PSMD14: variants seen among roughly 807,000 people sequenced by gnomAD.
The protein encoded by PSMD14 is ubiquitin C-terminal hydrolase PSMD14.
PSMD14 carries 7 observed loss-of-function variants against 41.2 expected under a neutral mutation model. The ratio of observed to expected loss-of-function variants is 0.17; its 90% confidence interval spans 0.10 to 0.32. The LOEUF (loss-of-function observed/expected upper bound fraction) is 0.32, where lower values mean the gene tolerates loss of function less well. PSMD14 is among the 10% of genes least tolerant of loss of function. PSMD14 has a pLI of 1.00. For synonymous variants in PSMD14, 114 were observed against 122.3 expected, an observed-to-expected ratio of 0.93 and a Z score of 0.45; for missense variants, 139 against 375.6, an observed-to-expected ratio of 0.37 and a Z score of 5.21.
chr2:161,408,684 C>G, intron 10 of PSMD14, 153 bp from the exon 11 acceptor site: 1 of 574,398 alleles, frequency 1.7e-6, no homozygotes, highest in East Asian at 3.0e-5. Context: ...GAAGGTTATT[C>G]TGAAGTTTAG....
At chr2:161,391,485 A>G (rs1683710968) in intron 9 of PSMD14, among the ~76,000 whole-genome samples, 1 of 152,168 alleles carries the variant, frequency 6.6e-6, no homozygotes, top group Admixed American at 6.6e-5. Flanking sequence ...TGATTAACTT[A>G]TCTTCTTCAA....
At chr2:161,326,290 G>C (rs6713728) in intron 3 of PSMD14, among the ~76,000 whole-genome samples, 138,744 of 152,176 alleles carry the variant, frequency 0.91, 63,283 homozygotes, top group East Asian at 1. Context: ...CTCGGCCTCC[G>C]AAAGTGCTGG....
intron 11 of PSMD14, among the ~76,000 whole-genome samples, chr2:161,410,184 C>A (rs1684004075): frequency 6.6e-6 from 1 of 151,990 alleles, no homozygotes; most frequent in Non-Finnish European, 1.5e-5. Flanking sequence ...AAACCAATAT[C>A]TTTTTTTCTC....
At chr2:161,390,832 A>G (rs1169565163) in intron 8 of PSMD14, among the ~76,000 whole-genome samples, 1 of 152,182 alleles carries the variant, frequency 6.6e-6, no homozygotes, top group African/African-American at 2.4e-5. Context: ...GATAAGATCA[A>G]ACCTTATCTC....
chr2:161,348,574 T>C (rs1004840097), intron 3 of PSMD14, among the ~76,000 whole-genome samples: 8 of 152,232 alleles, frequency 5.3e-5, no homozygotes, highest in African/African-American at 1.9e-4. Context: ...ACATAGTTCA[T>C]ACTAATGAAA....
chr2:161,399,600 AT>A (rs763035887), intron 10 of PSMD14, among the ~76,000 whole-genome samples: 1 of 152,132 alleles, frequency 6.6e-6, no homozygotes, highest in South Asian at 2.1e-4. Flanking sequence ...CCTATAAAAT[AT>A]TTTTTTAAAA....
At chr2:161,311,619 C>T (rs1689088217) in intron 1 of PSMD14, among the ~76,000 whole-genome samples, 1 of 140,296 alleles carries the variant, frequency 7.1e-6, no homozygotes, top group African/African-American at 2.6e-5. Flanking sequence ...TCTGTTCTCA[C>T]TCTTCCTTTT....
intron 3 of PSMD14, among the ~76,000 whole-genome samples, chr2:161,334,730 A>G (rs115383457): frequency 1.2e-3 from 190 of 152,214 alleles, no homozygotes; most frequent in Admixed American, 3.1e-3. Context: ...TTTTCTTCTG[A>G]TGTGTTTTCT....
intron 10 of PSMD14, among the ~76,000 whole-genome samples, chr2:161,399,267 C>T (rs7574882): frequency 0.18 from 26,612 of 151,934 alleles, 2,945 homozygotes; most frequent in Middle Eastern, 0.28. Flanking sequence ...AGAATATTAA[C>T]GTGAGCTTTG....
rs184915187 is a variant in PSMD14 at position 161,348,620 on chromosome 2, T to C, written c.49-18858T>C. The stretch of plus-strand genomic sequence containing the variant: ...AGGAATAATTCTATACGATTGTTTT[T>C]ATGTACAATTTTAAGATACCCAAAA... On this transcript the variant is annotated intron_variant, in intron 3 of 11. Coordinates refer to ENST00000409682, the MANE Select transcript of PSMD14 (RefSeq NM_005805.6). Among the ~76,000 whole-genome samples, 336 of 152,372 alleles carry C rather than the reference T, an allele frequency of 2.2e-3. 2 individuals carry two copies. In the Middle Eastern group the frequency reaches 0.024, roughly 11 times the overall value.
chr2:161,376,136 G>T lies in PSMD14; in HGVS notation c.462+4814G>T, dbSNP rs111923315. Among the ~76,000 whole-genome samples, 163 of 149,042 alleles carry T rather than the reference G, an allele frequency of 1.1e-3. 2 individuals are homozygous for T. The highest frequency in any genetic ancestry group is 3.8e-3 in the African/African-American group (155 of 40,782). On this transcript the variant is annotated intron_variant, in intron 7 of 11. Coordinates refer to ENST00000409682, the MANE Select transcript of PSMD14 (RefSeq NM_005805.6). ...ATATATATATACTCTCTCTCATATAGAGAGAGAGGGCATAGAGTAATAAAG... is the reference window on the plus strand; with the variant it reads ...ATATATATATACTCTCTCTCATATATAGAGAGAGGGCATAGAGTAATAAAG...
chr2:161,405,772 A>C (rs1683939997), intron 10 of PSMD14, among the ~76,000 whole-genome samples: 1 of 152,216 alleles, frequency 6.6e-6, no homozygotes, highest in East Asian at 1.9e-4. Context: ...CTTATGTAAA[A>C]ATTGCCATAA....
intron 7 of PSMD14, among the ~76,000 whole-genome samples, chr2:161,373,769 A>G (rs1214499418): frequency 2.6e-5 from 4 of 151,994 alleles, no homozygotes; most frequent in East Asian, 3.9e-4. Context: ...ATAAATTCCA[A>G]TATTTCTGTC....
At chr2:161,341,131 C>A in intron 3 of PSMD14, 4 of 1,266,754 alleles carry the variant, frequency 3.2e-6, no homozygotes, top group Non-Finnish European at 4.0e-6. Flanking sequence ...GCGGGCGAGG[C>A]CGCCGGCTCG....
chr2:161,346,094 G>A (rs1008099902), intron 3 of PSMD14, among the ~76,000 whole-genome samples: 8 of 152,046 alleles, frequency 5.3e-5, no homozygotes, highest in African/African-American at 4.8e-5. Context: ...TGTTGCCCAG[G>A]CAGTTCTTGA....
chr2:161,389,648 C>T (rs1197961919), intron 8 of PSMD14, among the ~76,000 whole-genome samples: 1 of 151,918 alleles, frequency 6.6e-6, no homozygotes, highest in African/African-American at 2.4e-5. Context: ...TATTTTAATA[C>T]TCATTGGAGT....
At chr2:161,371,748 G>A (rs1463007702) in intron 7 of PSMD14, among the ~76,000 whole-genome samples, 2 of 152,168 alleles carry the variant, frequency 1.3e-5, no homozygotes, top group East Asian at 3.9e-4. Flanking sequence ...ACATATTCTG[G>A]AGGTGTGTTT....
At chr2:161,406,196 C>G (rs1260200887) in intron 10 of PSMD14, among the ~76,000 whole-genome samples, 1 of 152,060 alleles carries the variant, frequency 6.6e-6, no homozygotes, top group Non-Finnish European at 1.5e-5. Flanking sequence ...GTAAAAGCCT[C>G]TGTAAGATAG....
chr2:161,313,950 T>C (rs1689120564), intron 1 of PSMD14, among the ~76,000 whole-genome samples: 1 of 152,222 alleles, frequency 6.6e-6, no homozygotes, highest in Admixed American at 6.5e-5. Flanking sequence ...ATTAAGTATA[T>C]TCACAGTGTT....
Sources: allele counts gnomAD v4.1 joint callset (sites outside exome capture counted in the v4.1 genomes callset), GRCh38; gene constraint gnomAD v4.1.1; transcripts MANE v1.5; gene names NCBI Gene and HGNC (gene_info 2026-07-23, HGNC 2026-07-21).